The following CHN2 variants were observed in gnomAD, a reference collection of about 807,000 sequenced individuals.
The protein encoded by CHN2 is beta-chimaerin.
Under a neutral mutation model 56.3 loss-of-function variants are expected in CHN2, and 35 were observed. The observed-to-expected ratio is 0.62, with a 90% CI of 0.47 to 0.82. The LOEUF (loss-of-function observed/expected upper bound fraction) is 0.82, where lower values mean the gene tolerates loss of function less well. CHN2 is among the 40% of genes least tolerant of loss of function. The pLI is 0.00. For missense variants in CHN2, 491 were observed against 580.5 expected (o/e 0.85, Z 1.58); for synonymous variants, 210 against 212.8 (o/e 0.99, Z 0.12).
intron 1 of CHN2, among the ~76,000 whole-genome samples, chr7:29,258,043 C>T (rs970699789): frequency 2.6e-5 from 4 of 152,120 alleles, no homozygotes; most frequent in African/African-American, 7.2e-5. Flanking sequence ...CTTGGCCTCC[C>T]GAAGTATTGG....
chr7:29,333,443 G>A (rs1277854963), intron 1 of CHN2, among the ~76,000 whole-genome samples: 1 of 152,214 alleles, frequency 6.6e-6, no homozygotes, highest in African/African-American at 2.4e-5. Flanking sequence ...AGAGGTACAT[G>A]CAGCTAAGAG....
At chr7:29,433,790 G>A (rs1352707495) in intron 6 of CHN2, among the ~76,000 whole-genome samples, 2 of 150,282 alleles carry the variant, frequency 1.3e-5, no homozygotes, top group African/African-American at 4.9e-5. Flanking sequence ...AATGAGCCAA[G>A]ATCATGCCAC....
At chr7:29,331,292 G>A (rs1318929681) in intron 1 of CHN2, among the ~76,000 whole-genome samples, 3 of 152,190 alleles carry the variant, frequency 2.0e-5, no homozygotes, top group South Asian at 2.1e-4. Flanking sequence ...AGAACTAAGA[G>A]AGTCTGAAGC....
intron 1 of CHN2, among the ~76,000 whole-genome samples, chr7:29,253,368 A>G (rs1034417242): frequency 2.0e-5 from 3 of 152,250 alleles, no homozygotes; most frequent in Admixed American, 6.5e-5. Flanking sequence ...ATGTTGACAA[A>G]GCAAAACTTT....
intron 6 of CHN2, among the ~76,000 whole-genome samples, chr7:29,419,319 CAA>C (rs1804092346): frequency 6.6e-6 from 1 of 152,068 alleles, no homozygotes; most frequent in African/African-American, 2.4e-5. Context: ...TACTTTTCAC[CAA>C]ATACACTAAC....
chr7:29,392,360 G>A (rs1801433252), intron 3 of CHN2, among the ~76,000 whole-genome samples: 1 of 152,226 alleles, frequency 6.6e-6, no homozygotes, highest in East Asian at 1.9e-4. Context: ...TTATAGAAAG[G>A]ATATCAGATA....
At chr7:29,322,130 G>T (rs1212401798) in intron 1 of CHN2, among the ~76,000 whole-genome samples, 1 of 152,170 alleles carries the variant, frequency 6.6e-6, no homozygotes, top group Non-Finnish European at 1.5e-5. Flanking sequence ...TGAGGTAAAG[G>T]GCTATTCAAA....
At chr7:29,229,475 A>G (rs867146401) in intron 1 of CHN2, among the ~76,000 whole-genome samples, 1 of 152,226 alleles carries the variant, frequency 6.6e-6, no homozygotes, top group Non-Finnish European at 1.5e-5. Context: ...TTATATTCCC[A>G]AGATCTAGAT....
chr7:29,221,055 G>A (rs185866132), intron 1 of CHN2, among the ~76,000 whole-genome samples: 128 of 152,204 alleles, frequency 8.4e-4, no homozygotes, highest in African/African-American at 2.9e-3. Flanking sequence ...ATTTGATTCC[G>A]CACTTGGTTA....
intron 2 of CHN2, among the ~76,000 whole-genome samples, chr7:29,149,909 G>T (rs1343290726): frequency 6.6e-6 from 1 of 152,132 alleles, no homozygotes; most frequent in Non-Finnish European, 1.5e-5. Flanking sequence ...CCACTCTAAT[G>T]ACCTCATTTT....
intron 1 of CHN2, among the ~76,000 whole-genome samples, chr7:29,354,085 G>C (rs1382267582): frequency 1.3e-5 from 2 of 152,190 alleles, no homozygotes; most frequent in African/African-American, 2.4e-5. Flanking sequence ...TCACACGTTG[G>C]AGTTAATTCA....
chr7:29,194,968 G>T lies in CHN2; in HGVS notation c.27G>T (p.Leu9=). The part of the protein sequence containing the change: MAASSNSS[L]SGSSVSSDAE... ...TGGCAGCGTCCAGCAACTCCAGCCT[G>T]TCCGGCTCGTCGGTGTCCTCCGGTG... The change falls in exon 1 of 13, where the codon CTG becomes CTT. Residue 9 remains leucine, a synonymous_variant. Transcript: ENST00000222792. 6.3e-7 allele frequency: 1 copy of T among 1,586,036 alleles called. No individual in the cohort carries two copies. Among genetic ancestry groups the T allele is most frequent in the Non-Finnish European group, 8.6e-7 (1 of 1,168,880 alleles).
intron 2 of CHN2, among the ~76,000 whole-genome samples, chr7:29,176,310 A>G (rs1211045247): frequency 6.6e-6 from 1 of 152,208 alleles, no homozygotes; most frequent in Non-Finnish European, 1.5e-5. Flanking sequence ...AAATAAAGTC[A>G]CATTTAGATA....
chr7:29,313,902 T>C (rs1484028122), intron 1 of CHN2, among the ~76,000 whole-genome samples: 1 of 152,190 alleles, frequency 6.6e-6, no homozygotes, highest in Non-Finnish European at 1.5e-5. Flanking sequence ...AGCCTCTGTC[T>C]AGGGAGTGCC....
chr7:29,256,520 T>C (rs1245282640), intron 1 of CHN2, among the ~76,000 whole-genome samples: 1 of 152,240 alleles, frequency 6.6e-6, no homozygotes, highest in Non-Finnish European at 1.5e-5. Flanking sequence ...GCAGCTTGCC[T>C]ATAGGTGATT....
intron 1 of CHN2, among the ~76,000 whole-genome samples, chr7:29,333,496 A>C (rs1357778406): frequency 1.3e-5 from 2 of 152,212 alleles, no homozygotes. Context: ...AAAAGGATCC[A>C]AAAAAGAACT....
chr7:29,343,647 T>C (rs904479592), intron 1 of CHN2, among the ~76,000 whole-genome samples: 1 of 152,154 alleles, frequency 6.6e-6, no homozygotes, highest in Admixed American at 6.5e-5. Context: ...TTGCCTTTCA[T>C]GTCGCCCCAT....
intron 1 of CHN2, among the ~76,000 whole-genome samples, chr7:29,328,090 C>G (rs75372483): frequency 0.021 from 3,257 of 152,272 alleles, 52 homozygotes; most frequent in Middle Eastern, 0.078. Flanking sequence ...CTTTGAGACT[C>G]CAGCCTGTGA....
At chr7:29,464,531 T>C (rs956199810) in intron 6 of CHN2, among the ~76,000 whole-genome samples, 1 of 152,188 alleles carries the variant, frequency 6.6e-6, no homozygotes, top group Non-Finnish European at 1.5e-5. Flanking sequence ...TGCACACGTA[T>C]CCTGGAGCTT....
Sources: allele counts gnomAD v4.1 joint callset (sites outside exome capture counted in the v4.1 genomes callset), GRCh38; gene constraint gnomAD v4.1.1; transcripts MANE v1.5; gene names NCBI Gene and HGNC (gene_info 2026-07-23, HGNC 2026-07-21).